PTPRD: variants seen among roughly 807,000 people sequenced by gnomAD.
PTPRD encodes the protein protein tyrosine phosphatase receptor type D.
A neutral mutation model predicts 214.5 loss-of-function variants in PTPRD; 34 were observed. The ratio of observed to expected loss-of-function variants is 0.16; its 90% CI spans 0.12 to 0.21. The LOEUF is 0.21. PTPRD is among the 10% of genes least tolerant of loss of function. The pLI, the probability that PTPRD is intolerant of heterozygous loss-of-function variation, is 1.00. For synonymous variants in PTPRD, 1,128 were observed against 845.7 expected, an observed-to-expected ratio of 1.33 and a Z score of -5.79; for missense variants, 2,545 against 2,398.7, an observed-to-expected ratio of 1.06 and a Z score of -1.27.
At chr9:8,980,914 C>G (rs1355483410) in intron 11 of PTPRD, among the ~76,000 whole-genome samples, 3 of 151,892 alleles carry the variant, frequency 2.0e-5, no homozygotes, top group Non-Finnish European at 4.4e-5. Flanking sequence ...GGCCAAAATT[C>G]CATTGTTTAG....
intron 3 of PTPRD, among the ~76,000 whole-genome samples, chr9:10,172,304 T>C (rs2099213861): frequency 6.6e-6 from 1 of 152,186 alleles, no homozygotes; most frequent in Non-Finnish European, 1.5e-5. Flanking sequence ...CTTATAAATG[T>C]TCATCTACTA....
intron 10 of PTPRD, among the ~76,000 whole-genome samples, chr9:9,141,987 A>G (rs866587170): frequency 5.3e-5 from 8 of 152,226 alleles, no homozygotes; most frequent in Non-Finnish European, 7.3e-5. Flanking sequence ...TGACTGCTAC[A>G]TAGACATATT....
intron 5 of PTPRD, among the ~76,000 whole-genome samples, chr9:9,915,139 G>A (rs763688592): frequency 2.0e-5 from 3 of 152,116 alleles, no homozygotes; most frequent in African/African-American, 7.2e-5. Context: ...TAGAGCTGTA[G>A]AAACGACATG....
intron 2 of PTPRD, among the ~76,000 whole-genome samples, chr9:10,568,331 G>A (rs2066331192): frequency 6.6e-6 from 1 of 152,132 alleles, no homozygotes; most frequent in African/African-American, 2.4e-5. Flanking sequence ...ATTCCATGGT[G>A]TATATGTGCC....
intron 14 of PTPRD, among the ~76,000 whole-genome samples, chr9:8,532,390 G>T (rs1404159830): frequency 6.6e-6 from 1 of 151,938 alleles, no homozygotes; most frequent in Non-Finnish European, 1.5e-5. Flanking sequence ...ATATAAAACT[G>T]CCTTGGCCAT....
At chr9:9,187,718 T>A (rs1217827845) in intron 9 of PTPRD, among the ~76,000 whole-genome samples, 1 of 151,960 alleles carries the variant, frequency 6.6e-6, no homozygotes, top group African/African-American at 2.4e-5. Context: ...CAACCCACAT[T>A]GCAGTGAACA....
intron 5 of PTPRD, among the ~76,000 whole-genome samples, chr9:9,831,801 G>A (rs2054937615): frequency 1.3e-5 from 2 of 151,944 alleles, no homozygotes; most frequent in Admixed American, 1.3e-4. Flanking sequence ...CCAAGGTGGA[G>A]GGATGTATTT....
chr9:10,325,690 C>A (rs937069082), intron 3 of PTPRD, among the ~76,000 whole-genome samples: 1 of 151,828 alleles, frequency 6.6e-6, no homozygotes, highest in African/African-American at 2.4e-5. Flanking sequence ...CCTTTCAAAA[C>A]AACCAAACTG....
chr9:8,383,167 G>GAA (rs2085716148), intron 37 of PTPRD, among the ~76,000 whole-genome samples: 1 of 152,188 alleles, frequency 6.6e-6, no homozygotes, highest in Non-Finnish European at 1.5e-5. Flanking sequence ...GAAAATGTTT[G>GAA]AGCACAATCT....
At chr9:10,589,630 C>T (rs1328533768) in intron 2 of PTPRD, among the ~76,000 whole-genome samples, 1 of 151,936 alleles carries the variant, frequency 6.6e-6, no homozygotes, top group African/African-American at 2.4e-5. Flanking sequence ...TCCAGTGCCT[C>T]AACTATGAAA....
intron 9 of PTPRD, among the ~76,000 whole-genome samples, chr9:9,311,680 C>T (rs1250908362): frequency 6.6e-6 from 1 of 152,072 alleles, no homozygotes; most frequent in East Asian, 1.9e-4. Context: ...CTCTGACAAC[C>T]AAATCGTTCC....
chr9:10,223,221 C>T (rs535988918), intron 3 of PTPRD, among the ~76,000 whole-genome samples: 1 of 151,828 alleles, frequency 6.6e-6, no homozygotes, highest in Non-Finnish European at 1.5e-5. Context: ...CCCCTTCTCC[C>T]CTTCCTCTTC....
intron 9 of PTPRD, among the ~76,000 whole-genome samples, chr9:9,263,613 T>C (rs1036040508): frequency 6.6e-6 from 1 of 151,750 alleles, no homozygotes; most frequent in Non-Finnish European, 1.5e-5. Context: ...AATTAATTAA[T>C]ATGCCCTTCC....
At chr9:9,027,072 G>A (rs1185153551) in intron 10 of PTPRD, among the ~76,000 whole-genome samples, 1 of 151,490 alleles carries the variant, frequency 6.6e-6, no homozygotes, top group South Asian at 2.1e-4. Context: ...CACCTGCTAT[G>A]TCTGGTGTTC....
intron 7 of PTPRD, among the ~76,000 whole-genome samples, chr9:9,730,770 C>T (rs2154441636): frequency 6.6e-6 from 1 of 152,154 alleles, no homozygotes; most frequent in East Asian, 1.9e-4. Flanking sequence ...AGCTCTCTGA[C>T]CATTAGTCTC....
At chr9:9,889,825 G>A (rs2072582791) in intron 5 of PTPRD, among the ~76,000 whole-genome samples, 1 of 151,860 alleles carries the variant, frequency 6.6e-6, no homozygotes, top group South Asian at 2.1e-4. Flanking sequence ...GTGTGTGTGT[G>A]TGTCTGTGTG....
intron 3 of PTPRD, among the ~76,000 whole-genome samples, 152 bp downstream of exon 3, chr9:10,340,811 C>T (rs2096924998): frequency 6.6e-6 from 1 of 151,922 alleles, no homozygotes; most frequent in African/African-American, 2.4e-5. Flanking sequence ...CCAGGTGGCA[C>T]ACCATTAGTG....
chr9:10,467,120 C>G lies in PTPRD; in HGVS notation c.-599-126103G>C, dbSNP rs998928585. On this transcript the variant is annotated intron_variant, in intron 2 of 45. Transcript: ENST00000381196. ...CAGTTGTTTTGAAGTGTGCTATGAC[C>G]AAGCACCAAGAAGTTTCTAGTCTAT... Among the ~76,000 whole-genome samples the G allele has an allele frequency of 3.3e-5, 5 of 152,258 alleles. No individual in the cohort carries two copies. In the East Asian group the frequency reaches 9.7e-4, roughly 29 times the overall value.
intron 4 of PTPRD, among the ~76,000 whole-genome samples, chr9:9,975,511 C>T (rs765753581): frequency 1.3e-5 from 2 of 152,244 alleles, no homozygotes; most frequent in Non-Finnish European, 2.9e-5. Context: ...AGCAGCACTA[C>T]ATCACCTGGA....
Sources: gnomAD v4.1 joint callset for allele counts (sites outside exome capture counted in the v4.1 genomes callset) on GRCh38, gnomAD v4.1.1 for gene constraint, MANE v1.5 for transcripts, NCBI Gene and HGNC (gene_info 2026-07-23, HGNC 2026-07-21) for gene names.